Variants in STRN4 observed in about 807,000 individuals in gnomAD.
The protein encoded by STRN4 is striatin-4.
A neutral mutation model predicts 77.9 loss-of-function variants in STRN4; 27 were observed. That is an observed-to-expected ratio of 0.35 (90% CI 0.26 to 0.48). The LOEUF (loss-of-function observed/expected upper bound fraction) is 0.48. STRN4 is among the 20% of genes least tolerant of loss of function. STRN4 has a pLI of 0.99. For synonymous variants in STRN4, 466 were observed against 443.1 expected (o/e 1.05, Z -0.65); for missense variants, 798 against 1,049.7 (o/e 0.76, Z 3.31).
At position 46,736,803 on chromosome 19, in the gene STRN4, C is replaced by A; in HGVS notation, c.539+20G>T. The A allele has an allele frequency of 6.2e-7, 1 of 1,610,864 alleles. No individual in the cohort carries two copies. ...CAAACGTGTCACGTGTCCCCAGCCC[C>A]CCTCCCCGAGCACACTCACTGTCGG... On this transcript the variant is annotated intron_variant, in intron 4 of 17. Transcript: ENST00000263280.
intron 4 of STRN4, 77 bp downstream of exon 4, chr19:46,736,746 G>T: frequency 7.0e-7 from 1 of 1,427,344 alleles, no homozygotes; most frequent in Non-Finnish European, 9.8e-7. Context: ...GACGGAAAAG[G>T]ACTGTGGAGT....
chr19:46,728,276 G>A (rs1443871620), intron 7 of STRN4: 4 of 599,806 alleles, frequency 6.7e-6, no homozygotes, highest in African/African-American at 1.8e-5. Flanking sequence ...TCACAGGACA[G>A]GGAGGAAGAT....
At chr19:46,730,602 A>G in intron 6 of STRN4, 130 bp downstream of exon 6, 1 of 1,392,244 alleles carries the variant, frequency 7.2e-7, no homozygotes, top group South Asian at 1.3e-5. Flanking sequence ...CCTCCAGGCC[A>G]GGGCCTGTGT....
rs1356759305 is a variant in STRN4 at position 46,738,639 on chromosome 19, C to T, written c.386+146G>A. The T allele has an allele frequency of 2.6e-6, 2 of 781,888 alleles. No individual in the cohort carries two copies. Among genetic ancestry groups the T allele is most frequent in the African/African-American group, 1.7e-5 (1 of 58,384 alleles). The allele number at this position is 781,888 out of a possible 1,614,324, so 48.4% of individuals were successfully genotyped here. ...ATCCCACCTACTCTGTCCTGTTTCT[C>T]CCCTAGAATCTTATGGTACTGGAAT... is the stretch of plus-strand genomic sequence containing the variant. On this transcript the variant is annotated intron_variant, in intron 2 of 17. Transcript: ENST00000263280. The surrounding 1 kb of genome is among the most constrained non-coding windows in gnomAD (Gnocchi z 4.5).
At chr19:46,721,012 G>A (rs922312031) in intron 16 of STRN4, 3 of 404,840 alleles carry the variant, frequency 7.4e-6, no homozygotes, top group Non-Finnish European at 8.6e-6. Context: ...GAGCCCCAGG[G>A]CGGCAGGGGC....
At chr19:46,742,336 C>T (rs1374420239) in intron 1 of STRN4, among the ~76,000 whole-genome samples, 4 of 152,026 alleles carry the variant, frequency 2.6e-5, no homozygotes, top group South Asian at 2.1e-4. Flanking sequence ...CAAGCAGGGT[C>T]GCACGGCAGG....
chr19:46,726,432 C>G (rs978192427), intron 9 of STRN4, among the ~76,000 whole-genome samples: 1 of 151,710 alleles, frequency 6.6e-6, no homozygotes, highest in Non-Finnish European at 1.5e-5. Flanking sequence ...ATCATTTGAC[C>G]CCAGGAGTTC....
At chr19:46,721,423 C>G (rs1330802574) in intron 16 of STRN4, 3 of 156,284 alleles carry the variant, frequency 1.9e-5, no homozygotes, top group Admixed American at 1.3e-4. Context: ...GCTGCCAGCA[C>G]AGGCCCGGAG....
At chr19:46,721,788 G>C in intron 16 of STRN4, 198 bp downstream of exon 16, 1 of 580,416 alleles carries the variant, frequency 1.7e-6, no homozygotes, top group Non-Finnish European at 3.1e-6. Context: ...GGCCGAATGA[G>C]ACGATGCAGC....
At chr19:46,724,249 CA>C (rs71970589) in intron 12 of STRN4, among the ~76,000 whole-genome samples, 1,763 of 86,860 alleles carry the variant, frequency 0.02, 15 homozygotes, top group African/African-American at 0.075. Context: ...CTCTTTGTCT[CA>C]AAAAAAAAAA....
intron 16 of STRN4, chr19:46,721,004 G>C (rs1955730887): frequency 4.8e-6 from 2 of 417,778 alleles, no homozygotes; most frequent in South Asian, 8.4e-5. Context: ...TGCACACTGA[G>C]CCCCAGGGCG....
At chr19:46,734,571 T>C (rs908676069) in intron 4 of STRN4, among the ~76,000 whole-genome samples, 2 of 152,164 alleles carry the variant, frequency 1.3e-5, no homozygotes, top group African/African-American at 2.4e-5. Flanking sequence ...ACATTATATG[T>C]TGGGTTTTTT....
At chr19:46,730,953 T>C (rs545585148) in intron 5 of STRN4, 80 bp from the exon 6 acceptor site, 1 of 1,577,064 alleles carries the variant, frequency 6.3e-7, no homozygotes, top group South Asian at 1.1e-5. Context: ...CTCCCAGGCT[T>C]GGTGGCCAGA....
At position 46,738,444 on chromosome 19, in the gene STRN4, C is replaced by G. The variant is rs1026940550; in HGVS notation, c.387-207G>C. On this transcript the variant is annotated intron_variant, in intron 2 of 17. Transcript: ENST00000263280. The surrounding 1 kb of genome is among the most constrained non-coding windows in gnomAD (Gnocchi z 4.5). The stretch of plus-strand genomic sequence containing the variant: ...GCAACCTAGGTTGCTCTCAGGGGTC[C>G]TTGAGGAAACCATCAGCCCTTGAAA... Among the ~76,000 whole-genome samples the G allele has an allele frequency of 5.9e-5, 9 of 152,126 alleles. No individual in the cohort carries two copies. The highest frequency in any genetic ancestry group is 4.6e-4 in the Admixed American group (7 of 15,266).
At chr19:46,721,704 T>C (rs751124761) in intron 16 of STRN4, 3 of 400,414 alleles carry the variant, frequency 7.5e-6, no homozygotes, top group Non-Finnish European at 1.4e-5. Context: ...ATGGCCAAGT[T>C]ACAAAGCGTC....
At chr19:46,740,652 A>G (rs1356330616) in intron 1 of STRN4, among the ~76,000 whole-genome samples, 1 of 151,882 alleles carries the variant, frequency 6.6e-6, no homozygotes, top group Non-Finnish European at 1.5e-5. Context: ...CCTGCCGGGA[A>G]CCTACACCTT....
At chr19:46,721,850 C>A (rs1336262516) in intron 16 of STRN4, 136 bp downstream of exon 16, 5 of 876,886 alleles carry the variant, frequency 5.7e-6, no homozygotes, top group Non-Finnish European at 9.0e-6. Flanking sequence ...CCTATGGTCA[C>A]CACGGTCATT....
chr19:46,725,178 G>A (rs1044128640), intron 11 of STRN4, among the ~76,000 whole-genome samples, 154 bp downstream of exon 11: 25 of 151,042 alleles, frequency 1.7e-4, no homozygotes, highest in African/African-American at 6.1e-4. Context: ...GGAGCCCCAA[G>A]AACCAGGGCT....
At chr19:46,728,862 G>C in intron 6 of STRN4, 85 bp from the exon 7 acceptor site, 3 of 1,551,346 alleles carry the variant, frequency 1.9e-6, no homozygotes, top group Non-Finnish European at 2.6e-6. Flanking sequence ...AGGTAAGCCG[G>C]GGCTCTGGGC....
Sources: gnomAD v4.1 joint callset for allele counts (sites outside exome capture counted in the v4.1 genomes callset) on GRCh38, gnomAD v4.1.1 for gene constraint, Gnocchi (gnomAD v3.1) non-coding constraint, MANE v1.5 for transcripts, NCBI Gene and HGNC (gene_info 2026-07-23, HGNC 2026-07-21) for gene names.